PIK3C3: variants seen among roughly 807,000 people sequenced by gnomAD.
PIK3C3 encodes the protein phosphatidylinositol 3-kinase catalytic subunit type 3.
PIK3C3 carries 95 observed loss-of-function variants against 126.1 expected under a neutral mutation model. The ratio of observed to expected loss-of-function variants is 0.75; its 90% CI spans 0.64 to 0.89. The LOEUF (loss-of-function observed/expected upper bound fraction) is 0.89, where lower values mean the gene tolerates loss of function less well. Among genes scored for constraint, PIK3C3 ranks in the 40% least tolerant of loss-of-function variants. The pLI is 0.00. For missense variants in PIK3C3, 829 were observed against 1,063.2 expected, an observed-to-expected ratio of 0.78 and a Z score of 3.06; for synonymous variants, 374 against 360.0, an observed-to-expected ratio of 1.04 and a Z score of -0.44.
chr18:42,077,408 C>T (rs964728986), intron 24 of PIK3C3, among the ~76,000 whole-genome samples: 12 of 152,182 alleles, frequency 7.9e-5, no homozygotes, highest in African/African-American at 2.7e-4. Flanking sequence ...TTGGAGTCAA[C>T]CCTTTCAAAA....
chr18:42,072,610 C>T (rs1436921221), intron 24 of PIK3C3, among the ~76,000 whole-genome samples: 1 of 152,182 alleles, frequency 6.6e-6, no homozygotes, highest in Non-Finnish European at 1.5e-5. Context: ...TGGTTCACTG[C>T]AGCCTTGACC....
intron 10 of PIK3C3, among the ~76,000 whole-genome samples, chr18:42,008,210 TATTTTGAA>T (rs1240595228): frequency 6.6e-6 from 1 of 152,204 alleles, no homozygotes; most frequent in Non-Finnish European, 1.5e-5. Flanking sequence ...TATCTTGCAT[TATTTTGAA>T]ATTTTTAAAT....
chr18:42,078,804 C>T (rs1457745437), intron 24 of PIK3C3, among the ~76,000 whole-genome samples: 1 of 152,198 alleles, frequency 6.6e-6, no homozygotes, highest in Non-Finnish European at 1.5e-5. Flanking sequence ...GAGATAGCTT[C>T]TTTCTTTAAA....
intron 3 of PIK3C3, 21 bp from the exon 4 acceptor site, chr18:41,970,306 G>C: frequency 6.2e-7 from 1 of 1,609,512 alleles, no homozygotes; most frequent in Non-Finnish European, 8.5e-7. Flanking sequence ...CTTCTACCCT[G>C]AACATTCTCT....
At chr18:42,043,321 G>C (rs766749787) in intron 19 of PIK3C3, among the ~76,000 whole-genome samples, 1 of 152,024 alleles carries the variant, frequency 6.6e-6, no homozygotes, top group Non-Finnish European at 1.5e-5. Context: ...TTGATCTCTT[G>C]ACCTCATGAT....
At chr18:42,006,934 G>A (rs1363140316) in intron 10 of PIK3C3, among the ~76,000 whole-genome samples, 1 of 142,848 alleles carries the variant, frequency 7.0e-6, no homozygotes, top group Non-Finnish European at 1.5e-5. Flanking sequence ...CGTGATCTCA[G>A]CTCACTGAAA....
At chr18:42,069,377 G>A (rs1284251106) in intron 24 of PIK3C3, among the ~76,000 whole-genome samples, 1 of 152,200 alleles carries the variant, frequency 6.6e-6, no homozygotes, top group Non-Finnish European at 1.5e-5. Flanking sequence ...GAGATATCAT[G>A]ACCACTTGAC....
At chr18:42,058,108 C>T (rs1343969345) in intron 22 of PIK3C3, 57 bp downstream of exon 22, 4 of 1,430,528 alleles carry the variant, frequency 2.8e-6, no homozygotes, top group Admixed American at 2.6e-5. Context: ...TTTTATAGAA[C>T]AAGAGAATTT....
At chr18:42,076,426 G>C (rs1375680053) in intron 24 of PIK3C3, among the ~76,000 whole-genome samples, 2 of 151,870 alleles carry the variant, frequency 1.3e-5, no homozygotes, top group Non-Finnish European at 2.9e-5. Context: ...AAGTAAGTGT[G>C]ATATATAAAG....
chr18:42,021,851 A>G (rs1983336836), intron 13 of PIK3C3, among the ~76,000 whole-genome samples: 1 of 152,222 alleles, frequency 6.6e-6, no homozygotes, highest in African/African-American at 2.4e-5. Flanking sequence ...TGCTAAGTAT[A>G]ATGCAAATAT....
At chr18:42,058,110 A>G in intron 22 of PIK3C3, 59 bp downstream of exon 22, 3 of 1,426,448 alleles carry the variant, frequency 2.1e-6, no homozygotes, top group Non-Finnish European at 1.9e-6. Context: ...TTATAGAACA[A>G]GAGAATTTGT....
Position 42,083,790 on chromosome 18 carries a change from G to T in PIK3C3, c.*2653G>T, listed in dbSNP as rs1345704854. 1 of 152,154 alleles carries T rather than the reference G, an allele frequency of 6.6e-6. No homozygotes were observed. Among genetic ancestry groups the T allele is most frequent in the Non-Finnish European group, 1.5e-5 (1 of 68,032 alleles). The allele number at this position is 152,154 out of a possible 1,614,324, so 9.4% of individuals were successfully genotyped here. A position where few individuals can be genotyped will look rare whatever the true frequency, so the allele number is the denominator to read the frequency against. On this transcript the variant is annotated 3_prime_UTR_variant, in exon 25 of 25. Transcript: ENST00000262039. Reference sequence around the variant, plus strand: ...TCATCTGCCCAAGGATAAGCTGCTGGTGAGAGCAGAGTTGGGATTTGAAGT... The same window carrying T: ...TCATCTGCCCAAGGATAAGCTGCTGTTGAGAGCAGAGTTGGGATTTGAAGT...
intron 4 of PIK3C3, among the ~76,000 whole-genome samples, chr18:41,982,757 A>C (rs1981269390): frequency 6.6e-6 from 1 of 152,170 alleles, no homozygotes; most frequent in Non-Finnish European, 1.5e-5. Context: ...TAAATTAATA[A>C]ATGTATGTGT....
intron 1 of PIK3C3, among the ~76,000 whole-genome samples, chr18:41,957,153 C>T (rs1390939605): frequency 6.6e-6 from 1 of 152,114 alleles, no homozygotes; most frequent in Non-Finnish European, 1.5e-5. Flanking sequence ...TTCTTCTGGG[C>T]TTCTTTGTCC....
intron 9 of PIK3C3, among the ~76,000 whole-genome samples, chr18:42,000,142 C>T (rs567905659): frequency 1.3e-5 from 2 of 152,178 alleles, no homozygotes; most frequent in Non-Finnish European, 2.9e-5. Context: ...CAACCTCCCC[C>T]TCCCAGGTTC....
At chr18:42,079,817 C>G (rs1042776073) in intron 24 of PIK3C3, among the ~76,000 whole-genome samples, 3 of 152,118 alleles carry the variant, frequency 2.0e-5, no homozygotes, top group Admixed American at 6.5e-5. Context: ...CACTTTCAAC[C>G]CTTATCATCT....
chr18:41,959,676 C>T (rs1979978939), intron 2 of PIK3C3, among the ~76,000 whole-genome samples: 1 of 152,050 alleles, frequency 6.6e-6, no homozygotes, highest in East Asian at 1.9e-4. Flanking sequence ...TACCTGTAAT[C>T]CCAGCTACTT....
rs541471247 is a variant in PIK3C3, at chr18:42,055,077, C to CA, written c.2264-2805dup. On this transcript the variant is annotated intron_variant, in intron 21 of 24. Transcript: ENST00000262039. ...AAATCTCATGTTGAAACTTCATCCC[C>CA]ATTGATGGAGATAGGATCAAATGGG... 4.3e-3 allele frequency among the ~76,000 whole-genome samples: 647 copies of CA among 152,154 alleles called. 10 individuals carry two copies. The highest frequency in any genetic ancestry group is 0.015 in the African/African-American group (603 of 41,510).
At chr18:41,963,000 A>C (rs1335658074) in intron 3 of PIK3C3, among the ~76,000 whole-genome samples, 10 of 152,194 alleles carry the variant, frequency 6.6e-5, no homozygotes, top group Admixed American at 6.5e-5. Context: ...AACAGGATTA[A>C]AAAGCATTCA....
Sources: allele counts gnomAD v4.1 joint callset (sites outside exome capture counted in the v4.1 genomes callset), GRCh38; gene constraint gnomAD v4.1.1; transcripts MANE v1.5; gene names NCBI Gene and HGNC (gene_info 2026-07-23, HGNC 2026-07-21).